The following TPD52 variants were observed in gnomAD, a reference collection of about 807,000 sequenced individuals.
TPD52 encodes the protein tumor protein D52, also known as prostate and colon associated protein.
A neutral mutation model predicts 31.3 loss-of-function variants in TPD52; 17 were observed. The ratio of observed to expected loss-of-function variants is 0.54; its 90% confidence interval spans 0.37 to 0.82. TPD52 has a LOEUF of 0.82. TPD52 is among the 40% of genes least tolerant of loss of function. The probability of loss-of-function intolerance (pLI) is 0.00; values close to 1 mark genes in which losing one functional copy is unlikely to be tolerated. For missense variants in TPD52, 212 were observed against 240.1 expected (o/e 0.88, Z 0.77); for synonymous variants, 83 against 89.6 (o/e 0.93, Z 0.42).
chr8:80,047,895 A>C (rs1385044985), intron 5 of TPD52, among the ~76,000 whole-genome samples: 1 of 152,240 alleles, frequency 6.6e-6, no homozygotes, highest in Non-Finnish European at 1.5e-5. Context: ...CTTCCTCTTA[A>C]ATATACCAAA....
In TPD52 at chr8:80,036,292, A is replaced by C. The variant is rs1809901711; in HGVS notation, c.*1824T>G. The stretch of plus-strand genomic sequence containing the variant: ...GATGCTCAAGAAACAATGTGATCAA[A>C]AGAATATGTTTGAATTTTAAGAAGT... On this transcript the variant is annotated 3_prime_UTR_variant, in exon 8 of 8. Transcript: ENST00000518937. 6.6e-6 allele frequency: 1 copy of C among 152,646 alleles called. No individual in the cohort carries two copies. Among genetic ancestry groups the C allele is most frequent in the South Asian group, 2.1e-4 (1 of 4,828 alleles). The allele number at this position is 152,646 out of a possible 1,614,324, so 9.5% of individuals were successfully genotyped here.
intron 3 of TPD52, chr8:80,052,993 A>ATGG (rs1811522238): frequency 7.4e-6 from 2 of 269,988 alleles, no homozygotes; most frequent in Non-Finnish European, 7.1e-6. Flanking sequence ...TGAGTACTAA[A>ATGG]GGACAAAATG....
chr8:80,051,667 C>T, intron 3 of TPD52, 39 bp from the exon 4 acceptor site: 2 of 1,480,254 alleles, frequency 1.4e-6, no homozygotes, highest in Non-Finnish European at 9.1e-7. Flanking sequence ...AAAGAAGGGT[C>T]AGCTCATCTT....
At chr8:80,051,683 A>G (rs1468343306) in intron 3 of TPD52, 55 bp from the exon 4 acceptor site, 1 of 1,420,902 alleles carries the variant, frequency 7.0e-7, no homozygotes, top group Non-Finnish European at 9.5e-7. Context: ...ATCTTTTCTA[A>G]TATCAATTGT....
intron 5 of TPD52, among the ~76,000 whole-genome samples, chr8:80,045,795 T>C (rs1810788320): frequency 6.6e-6 from 1 of 152,240 alleles, no homozygotes; most frequent in African/African-American, 2.4e-5. Flanking sequence ...AAAAACTTTG[T>C]ATTTGTGCAA....
chr8:80,115,913 A>T lies in TPD52; in HGVS notation c.20-51320T>A, dbSNP rs558555932. Among the ~76,000 whole-genome samples the T allele has an allele frequency of 2.3e-4, 35 of 152,374 alleles. No homozygotes were observed. In the South Asian group the frequency reaches 7.2e-3, roughly 32 times the overall value. The stretch of plus-strand genomic sequence containing the variant: ...AACAAGGAAAAAATATTTGGAAGAC[A>T]TATGACAAAGGCTAATTTCTTCTTA... On this transcript the variant is annotated intron_variant, in intron 1 of 7. Transcript: ENST00000518937.
chr8:80,075,268 C>T (rs11986078), intron 1 of TPD52, among the ~76,000 whole-genome samples: 52,885 of 151,968 alleles, frequency 0.35, 10,788 homozygotes, highest in East Asian at 0.7. Context: ...TGAGCCACCA[C>T]GCCTGGCCAA....
At chr8:80,076,075 A>G (rs1344690921) in intron 1 of TPD52, among the ~76,000 whole-genome samples, 1 of 152,260 alleles carries the variant, frequency 6.6e-6, no homozygotes, top group Non-Finnish European at 1.5e-5. Context: ...TTAAGTCAAT[A>G]GAAATAACCA....
At chr8:80,108,040 A>G (rs896262724) in intron 1 of TPD52, among the ~76,000 whole-genome samples, 4 of 152,222 alleles carry the variant, frequency 2.6e-5, no homozygotes, top group Admixed American at 6.5e-5. Context: ...AAATTAAATA[A>G]CATTAAGATG....
intron 1 of TPD52, among the ~76,000 whole-genome samples, chr8:80,083,017 A>G (rs1036316717): frequency 1.3e-5 from 2 of 152,176 alleles, no homozygotes; most frequent in African/African-American, 4.8e-5. Flanking sequence ...AGCCTACAAG[A>G]AAAGTGAAAT....
chr8:80,080,762 C>G lies in TPD52; in HGVS notation c.20-16169G>C, dbSNP rs1004277473. On this transcript the variant is annotated intron_variant, in intron 1 of 7. Coordinates refer to ENST00000518937, the MANE Select transcript of TPD52 (RefSeq NM_001025253.3). Reference sequence around the variant, plus strand: ...GGGCAGGGAGCGAGCTTTCCTCAGTCAACAAAGAAGGGCAGGGTTCTGCAA... The same window carrying G: ...GGGCAGGGAGCGAGCTTTCCTCAGTGAACAAAGAAGGGCAGGGTTCTGCAA... 3.8e-6 allele frequency: 4 copies of G among 1,056,224 alleles called. No individual in the cohort carries two copies. In the African/African-American group the frequency reaches 6.6e-5, roughly 18 times the overall value. The allele number at this position is 1,056,224 out of a possible 1,614,324, so 65.4% of individuals were successfully genotyped here.
chr8:80,064,541 C>G lies in TPD52; in HGVS notation c.72G>C (p.Thr24=), dbSNP rs1160622151. 21 of 1,614,040 alleles carry G rather than the reference C, an allele frequency of 1.3e-5. No homozygotes were observed. Among genetic ancestry groups the G allele is most frequent in the Non-Finnish European group, 1.4e-5 (17 of 1,180,020 alleles). The change falls in exon 2 of 8, where the codon ACG becomes ACC. Residue 24 remains threonine, a synonymous_variant. Transcript: ENST00000518937. ...CCGAGAGGGTCTCTGTGGCACTGAT[C>G]GTGGCAGCAACATCTTCTCCTTCCT... The part of the protein sequence containing the change: ...VPEEGEDVAA[T]ISATETLSEE...
intron 1 of TPD52, among the ~76,000 whole-genome samples, chr8:80,155,621 C>T (rs1340348500): frequency 1.3e-5 from 2 of 152,122 alleles, no homozygotes; most frequent in Non-Finnish European, 1.5e-5. Flanking sequence ...CGGTGGCTCA[C>T]GCCTGTAATC....
intron 1 of TPD52, among the ~76,000 whole-genome samples, chr8:80,164,898 CAAAAAAAAAAA>C (rs34027501): frequency 3.1e-4 from 10 of 31,904 alleles, no homozygotes; most frequent in South Asian, 2.9e-3. Flanking sequence ...GACAATGTCT[CAAAAAAAAAAA>C]AAAAAAAAAA....
chr8:80,142,304 C>T (rs1340451459), intron 1 of TPD52, among the ~76,000 whole-genome samples: 1 of 152,160 alleles, frequency 6.6e-6, no homozygotes, highest in Non-Finnish European at 1.5e-5. Context: ...CTACCCCGTA[C>T]CTGTGTACAG....
At chr8:80,061,308 G>A (rs1045928308) in intron 2 of TPD52, among the ~76,000 whole-genome samples, 6 of 151,078 alleles carry the variant, frequency 4.0e-5, no homozygotes, top group Admixed American at 2.0e-4. Context: ...AGGTTGCAGT[G>A]AGCCAAGATC....
At chr8:80,141,888 C>A (rs543660666) in intron 1 of TPD52, among the ~76,000 whole-genome samples, 1 of 151,042 alleles carries the variant, frequency 6.6e-6, no homozygotes, top group Non-Finnish European at 1.5e-5. Flanking sequence ...CCAGCCTGGG[C>A]GACAGAGCCA....
At chr8:80,146,584 T>C (rs7828135) in intron 1 of TPD52, among the ~76,000 whole-genome samples, 17,434 of 152,136 alleles carry the variant, frequency 0.11, 2,045 homozygotes, top group African/African-American at 0.3. Context: ...AAAGTGCACA[T>C]GTTCATCAAT....
chr8:80,083,507 G>A (rs1043083755), intron 1 of TPD52, among the ~76,000 whole-genome samples: 2 of 151,122 alleles, frequency 1.3e-5, no homozygotes, highest in African/African-American at 4.9e-5. Flanking sequence ...GTTCTCTGAC[G>A]GTTTTATTAA....
Sources: allele counts gnomAD v4.1 joint callset (sites outside exome capture counted in the v4.1 genomes callset), GRCh38; gene constraint gnomAD v4.1.1; transcripts MANE v1.5; gene names NCBI Gene and HGNC (gene_info 2026-07-23, HGNC 2026-07-21).